GRIA2: variants seen among roughly 807,000 people sequenced by gnomAD.
The protein encoded by GRIA2 is glutamate receptor 2.
GRIA2 carries 14 observed loss-of-function variants against 97.3 expected under a neutral mutation model. The ratio of observed to expected loss-of-function variants is 0.14; its 90% CI spans 0.10 to 0.23. The LOEUF (loss-of-function observed/expected upper bound fraction) is 0.23, where lower values mean the gene tolerates loss of function less well. Among genes scored for constraint, GRIA2 ranks in the 10% least tolerant of loss-of-function variants. The probability of loss-of-function intolerance (pLI) is 1.00; values close to 1 mark genes in which losing one functional copy is unlikely to be tolerated. For synonymous variants in GRIA2, 412 were observed against 387.8 expected (o/e 1.06, Z -0.73); for missense variants, 558 against 1,069.8 (o/e 0.52, Z 6.67).
Position 157,221,186 on chromosome 4 carries a change from G to T in GRIA2, c.88+56G>T, listed in dbSNP as rs1373104942. 2.0e-5 allele frequency: 18 copies of T among 889,184 alleles called. No homozygotes were observed. In the Middle Eastern group the frequency reaches 7.0e-4, roughly 34 times the overall value. The allele number at this position is 889,184 out of a possible 1,614,324, so 55.1% of individuals were successfully genotyped here. On this transcript the variant is annotated intron_variant, in intron 1 of 15. Coordinates refer to ENST00000264426, the MANE Select transcript of GRIA2 (RefSeq NM_001083619.3). ...TGTGCATAATTTGGTGGTAATCTTT[G>T]TTCACAGTGTACAAATTAATTCATG...
At chr4:157,220,485 G>T (rs1385892297), upstream of GRIA2, 3 of 152,220 alleles carry the variant, frequency 2.0e-5, no homozygotes, top group Middle Eastern at 3.4e-3. Context: ...CGGGCCCCGA[G>T]CTGTGCTTTC....
chr4:157,261,667 A>C (rs1731541967), intron 2 of GRIA2, among the ~76,000 whole-genome samples: 1 of 152,178 alleles, frequency 6.6e-6, no homozygotes, highest in Non-Finnish European at 1.5e-5. Context: ...TAAGGATTAA[A>C]AAATACTTCC....
At chr4:157,273,414 G>C (rs1175164424) in intron 2 of GRIA2, among the ~76,000 whole-genome samples, 1 of 152,018 alleles carries the variant, frequency 6.6e-6, no homozygotes, top group Non-Finnish European at 1.5e-5. Context: ...GATATGGAAA[G>C]AATGTTGGAA....
intron 2 of GRIA2, among the ~76,000 whole-genome samples, chr4:157,272,545 G>A (rs556416080): frequency 6.6e-6 from 1 of 152,202 alleles, no homozygotes; most frequent in South Asian, 2.1e-4. Flanking sequence ...CCCAGTCATT[G>A]CTCACTCCCT....
At chr4:157,338,008 G>GTA (rs70958818) in intron 11 of GRIA2, among the ~76,000 whole-genome samples, 1,512 of 78,984 alleles carry the variant, frequency 0.019, 18 homozygotes, top group African/African-American at 0.043. Flanking sequence ...ATATATATGT[G>GTA]TATATATATA....
chr4:157,317,724 A>C lies in GRIA2; in HGVS notation c.720+13A>C, dbSNP rs773388521. 9 of 1,068,024 alleles carry C rather than the reference A, an allele frequency of 8.4e-6. No homozygotes were observed. Among genetic ancestry groups the C allele is most frequent in the Non-Finnish European group, 1.3e-5 (9 of 694,178 alleles). The allele number at this position is 1,068,024 out of a possible 1,614,324, so 66.2% of individuals were successfully genotyped here. A position where few individuals can be genotyped will look rare whatever the true frequency, so the allele number is the denominator to read the frequency against. On this transcript the variant is annotated intron_variant, in intron 5 of 15. Coordinates refer to ENST00000264426, the MANE Select transcript of GRIA2 (RefSeq NM_001083619.3). The stretch of plus-strand genomic sequence containing the variant: ...CATTGCAAATCTGGTAGGTGAATTA[A>C]TTGGTATATATTATTTTACTAGATA...
chr4:157,314,855 G>A (rs1250315946), intron 4 of GRIA2, among the ~76,000 whole-genome samples: 1 of 152,128 alleles, frequency 6.6e-6, no homozygotes, highest in Non-Finnish European at 1.5e-5. Flanking sequence ...CATTTATTGA[G>A]GCCATGCTTT....
At position 157,304,927 on chromosome 4, in the gene GRIA2, A is replaced by C. The variant is rs543236193; in HGVS notation, c.469+1136A>C. On this transcript the variant is annotated intron_variant, in intron 3 of 15. Transcript: ENST00000264426. ...CCTAATCCTGGGAATGAGAACACTC[A>C]GTGGAAAAGCCAGTCAGCACTATAC... Among the ~76,000 whole-genome samples, 9 of 152,244 alleles carry C rather than the reference A, an allele frequency of 5.9e-5. No individual in the cohort carries two copies. The South Asian group carries it at 6.2e-4, about 11-fold the overall frequency.
chr4:157,333,697 C>A (rs1282695661), intron 8 of GRIA2, among the ~76,000 whole-genome samples: 1 of 152,004 alleles, frequency 6.6e-6, no homozygotes, highest in Non-Finnish European at 1.5e-5. Flanking sequence ...TTCAATTCAA[C>A]ATCAACCTTT....
At chr4:157,232,712 A>G (rs886462979) in intron 2 of GRIA2, among the ~76,000 whole-genome samples, 1 of 152,162 alleles carries the variant, frequency 6.6e-6, no homozygotes, top group Non-Finnish European at 1.5e-5. Context: ...AGCACACACA[A>G]GTTCAGGGTT....
At chr4:157,354,054 T>G (rs917748552) in intron 12 of GRIA2, among the ~76,000 whole-genome samples, 1 of 152,176 alleles carries the variant, frequency 6.6e-6, no homozygotes, top group East Asian at 1.9e-4. Context: ...CTCACTTGAT[T>G]CATTACTTCA....
chr4:157,299,007 A>G (rs1003087582), intron 2 of GRIA2, among the ~76,000 whole-genome samples: 2 of 152,030 alleles, frequency 1.3e-5, no homozygotes, highest in Admixed American at 6.6e-5. Context: ...TTTAGGATGT[A>G]GGAAGAAGAT....
chr4:157,265,220 A>C (rs1291482873), intron 2 of GRIA2, among the ~76,000 whole-genome samples: 2 of 152,162 alleles, frequency 1.3e-5, no homozygotes, highest in African/African-American at 4.8e-5. Flanking sequence ...TGAACAAGCA[A>C]AACATAGTTT....
intron 2 of GRIA2, among the ~76,000 whole-genome samples, chr4:157,293,891 A>G (rs927901286): frequency 6.6e-6 from 1 of 152,174 alleles, no homozygotes; most frequent in African/African-American, 2.4e-5. Flanking sequence ...CCATTATGCT[A>G]AAGATAATCC....
intron 2 of GRIA2, among the ~76,000 whole-genome samples, chr4:157,257,074 GA>G (rs1731311186): frequency 6.6e-6 from 1 of 152,002 alleles, no homozygotes; most frequent in Admixed American, 6.6e-5. Flanking sequence ...AAAGTTGGAA[GA>G]AATCAGTTAT....
intron 4 of GRIA2, among the ~76,000 whole-genome samples, chr4:157,316,224 A>G (rs1734312780): frequency 6.6e-6 from 1 of 152,180 alleles, no homozygotes; most frequent in African/African-American, 2.4e-5. Flanking sequence ...GCTGATGCTA[A>G]TTTATATGTT....
intron 12 of GRIA2, among the ~76,000 whole-genome samples, chr4:157,356,402 A>G (rs1349345310): frequency 6.6e-6 from 1 of 151,518 alleles, no homozygotes. Context: ...ACCAGCATTC[A>G]GATCAGTATT....
intron 6 of GRIA2, among the ~76,000 whole-genome samples, chr4:157,326,636 T>C (rs1734814814): frequency 6.6e-6 from 1 of 152,104 alleles, no homozygotes; most frequent in African/African-American, 2.4e-5. Flanking sequence ...GGAGAAAGCA[T>C]AAGGAACAAT....
At chr4:157,310,139 CTG>C (rs1734016302) in intron 3 of GRIA2, among the ~76,000 whole-genome samples, 1 of 152,088 alleles carries the variant, frequency 6.6e-6, no homozygotes, top group African/African-American at 2.4e-5. Context: ...TGTGCGTGTT[CTG>C]TCTCTGCAGA....
Sources: allele counts gnomAD v4.1 joint callset (sites outside exome capture counted in the v4.1 genomes callset), GRCh38; gene constraint gnomAD v4.1.1; transcripts MANE v1.5; gene names NCBI Gene and HGNC (gene_info 2026-07-23, HGNC 2026-07-21).